The following SMYD3 variants were observed in gnomAD, a reference collection of about 807,000 sequenced individuals.
SMYD3 encodes the protein histone-lysine N-methyltransferase SMYD3.
A neutral mutation model predicts 57.7 loss-of-function variants in SMYD3; 36 were observed. That is an observed-to-expected ratio of 0.62 (90% CI 0.48 to 0.82). SMYD3 has a LOEUF of 0.82. Among genes scored for constraint, SMYD3 ranks in the 40% least tolerant of loss-of-function variants. The probability of loss-of-function intolerance (pLI) is 0.00; values close to 1 mark genes in which losing one functional copy is unlikely to be tolerated. For synonymous variants in SMYD3, 211 were observed against 195.0 expected, an observed-to-expected ratio of 1.08 and a Z score of -0.68; for missense variants, 515 against 538.8, an observed-to-expected ratio of 0.96 and a Z score of 0.44.
At chr1:246,173,051 C>A (rs2062369822) in intron 5 of SMYD3, among the ~76,000 whole-genome samples, 3 of 151,460 alleles carry the variant, frequency 2.0e-5, no homozygotes, top group South Asian at 4.3e-4. Context: ...CAACACCGCA[C>A]ACTTAGGCTA....
intron 8 of SMYD3, among the ~76,000 whole-genome samples, chr1:245,896,708 CCAAA>C (rs1018793141): frequency 6.6e-6 from 1 of 152,162 alleles, no homozygotes; most frequent in African/African-American, 2.4e-5. Flanking sequence ...CCTGAAGGGG[CCAAA>C]CAGAGCCATG....
chr1:246,033,799 T>C (rs1164877772), intron 5 of SMYD3, among the ~76,000 whole-genome samples: 1 of 152,048 alleles, frequency 6.6e-6, no homozygotes, highest in Admixed American at 6.5e-5. Flanking sequence ...AAAAATTAAT[T>C]AATTAATTAA....
intron 5 of SMYD3, among the ~76,000 whole-genome samples, chr1:246,138,971 AC>A (rs1265929120): frequency 6.6e-6 from 1 of 151,842 alleles, no homozygotes; most frequent in Non-Finnish European, 1.5e-5. Context: ...CAGCCACCAA[AC>A]CCCTGGCCTG....
intron 8 of SMYD3, among the ~76,000 whole-genome samples, chr1:245,891,043 G>A (rs2053354827): frequency 2.6e-5 from 4 of 152,232 alleles, no homozygotes; most frequent in Admixed American, 2.0e-4. Context: ...TGGAGATAGA[G>A]AGTAGAATGA....
intron 5 of SMYD3, among the ~76,000 whole-genome samples, chr1:245,995,836 T>C (rs143912370): frequency 7.2e-5 from 11 of 152,022 alleles, no homozygotes; most frequent in South Asian, 2.1e-4. Context: ...AGAGAGCCAA[T>C]AGACATGCAC....
intron 8 of SMYD3, among the ~76,000 whole-genome samples, chr1:245,866,575 T>A (rs953698445): frequency 6.6e-6 from 1 of 151,832 alleles, no homozygotes. Context: ...CTACTAAAAA[T>A]ATAAAAACTA....
chr1:246,083,777 G>A (rs2147852470), intron 5 of SMYD3, among the ~76,000 whole-genome samples: 1 of 152,176 alleles, frequency 6.6e-6, no homozygotes, highest in African/African-American at 2.4e-5. Context: ...TTCCCTTACT[G>A]AGTCCCAAGT....
At chr1:245,806,720 C>G (rs1193625223) in intron 10 of SMYD3, among the ~76,000 whole-genome samples, 1 of 151,196 alleles carries the variant, frequency 6.6e-6, no homozygotes, top group Non-Finnish European at 1.5e-5. Flanking sequence ...ACCATCCTGG[C>G]TAACAAGGTG....
At chr1:245,924,625 C>T (rs2056229071) in intron 7 of SMYD3, among the ~76,000 whole-genome samples, 1 of 149,256 alleles carries the variant, frequency 6.7e-6, no homozygotes, top group Admixed American at 6.6e-5. Context: ...GACTGCCAGT[C>T]ATTTGTAAAT....
rs149642020 is a variant in SMYD3, at chr1:246,480,592, T to C, written c.164+26462A>G. 6.8e-3 allele frequency among the ~76,000 whole-genome samples: 1,036 copies of C among 152,252 alleles called. 12 individuals carry two copies. The highest frequency in any genetic ancestry group is 0.023 in the African/African-American group (971 of 41,530). ...AGAAAGGGGAAAAGATATAACTACA[T>C]TATCTGACACAACGGTGGCTCTTAC... is the stretch of plus-strand genomic sequence containing the variant. On this transcript the variant is annotated intron_variant, in intron 1 of 11. Transcript: ENST00000490107.
At chr1:246,010,870 G>T (rs922487998) in intron 5 of SMYD3, among the ~76,000 whole-genome samples, 1 of 152,190 alleles carries the variant, frequency 6.6e-6, no homozygotes, top group African/African-American at 2.4e-5. Context: ...GAAAGATGGT[G>T]TTTCCCCAAG....
At chr1:246,379,393 T>G (rs547398136) in intron 1 of SMYD3, among the ~76,000 whole-genome samples, 8 of 152,246 alleles carry the variant, frequency 5.3e-5, no homozygotes, top group Admixed American at 2.0e-4. Context: ...TAGATATTAT[T>G]TGAAATATCT....
chr1:245,804,019 T>C (rs2048011751), intron 10 of SMYD3, among the ~76,000 whole-genome samples: 1 of 151,382 alleles, frequency 6.6e-6, no homozygotes, highest in African/African-American at 2.4e-5. Context: ...GTTCAAGGAT[T>C]CTCCTGCCTC....
intron 5 of SMYD3, among the ~76,000 whole-genome samples, chr1:246,261,075 T>A (rs1437982940): frequency 6.6e-6 from 1 of 151,702 alleles, no homozygotes; most frequent in Non-Finnish European, 1.5e-5. Flanking sequence ...TGTTGTTTAT[T>A]TGAGACGGCG....
chr1:245,772,416 A>AAGGAGAGAAGACTGCTCCAGGGC (rs1227125915), intron 10 of SMYD3, among the ~76,000 whole-genome samples: 1 of 152,200 alleles, frequency 6.6e-6, no homozygotes, highest in Non-Finnish European at 1.5e-5. Flanking sequence ...TTGGGAGGCC[A>AAGGAGAGAAGACTGCTCCAGGGC]AGGAGAGAAG....
chr1:245,872,495 G>T (rs570552122), intron 8 of SMYD3, among the ~76,000 whole-genome samples: 2 of 151,862 alleles, frequency 1.3e-5, no homozygotes, highest in African/African-American at 4.8e-5. Context: ...CCTCTTCTCA[G>T]ATGAGAGAGC....
chr1:246,007,310 G>C (rs954197904), intron 5 of SMYD3, among the ~76,000 whole-genome samples: 1 of 152,164 alleles, frequency 6.6e-6, no homozygotes, highest in African/African-American at 2.4e-5. Context: ...GATGGGATGA[G>C]GTGCTTTCTC....
chr1:246,462,535 G>A (rs1390925084), intron 1 of SMYD3, among the ~76,000 whole-genome samples: 4 of 152,088 alleles, frequency 2.6e-5, no homozygotes, highest in Admixed American at 6.6e-5. Context: ...CCACAAAACT[G>A]CATGTCAGAT....
chr1:246,175,523 A>C (rs1475457977), intron 5 of SMYD3, among the ~76,000 whole-genome samples: 1 of 152,244 alleles, frequency 6.6e-6, no homozygotes, highest in African/African-American at 2.4e-5. Flanking sequence ...AACACTTTAA[A>C]TATTCAAATC....
Sources: gnomAD v4.1 joint callset for allele counts (sites outside exome capture counted in the v4.1 genomes callset) on GRCh38, gnomAD v4.1.1 for gene constraint, MANE v1.5 for transcripts, NCBI Gene and HGNC (gene_info 2026-07-23, HGNC 2026-07-21) for gene names.